The following LRRC37A2 variants were observed in gnomAD, a reference collection of about 807,000 sequenced individuals.
LRRC37A2 encodes leucine rich repeat containing 37 member A2, also known as leucine-rich repeat-containing protein 37A2.
LRRC37A2 carries 9 observed loss-of-function variants against 68.8 expected under a neutral mutation model. The observed-to-expected ratio is 0.13, with a 90% CI of 0.08 to 0.23. LRRC37A2 has a LOEUF of 0.23. Ranked by LOEUF, LRRC37A2 falls within the 10% of genes least tolerant of loss-of-function variation. LRRC37A2 has a pLI of 1.00. For missense variants in LRRC37A2, 168 were observed against 950.4 expected, an observed-to-expected ratio of 0.18 and a Z score of 10.82; for synonymous variants, 63 against 367.6, an observed-to-expected ratio of 0.17 and a Z score of 9.48.
the LRRC37A2 span, chr17:46,939,390 G>C: frequency 3.0e-6 from 3 of 997,752 alleles, no homozygotes; most frequent in Non-Finnish European, 3.6e-6. Context: ...CCACACTACA[G>C]CTGGGTGTTT....
chr17:46,725,781 A>T, the LRRC37A2 span, among the ~76,000 whole-genome samples: 3 of 152,098 alleles, frequency 2.0e-5, no homozygotes, highest in African/African-American at 7.2e-5. Flanking sequence ...GCAGAAACTA[A>T]TTCTTACTCA....
the LRRC37A2 span, among the ~76,000 whole-genome samples, chr17:46,988,421 C>CGGG: frequency 6.6e-5 from 10 of 152,276 alleles, no homozygotes; most frequent in South Asian, 8.3e-4. Context: ...TGTGAATGCA[C>CGGG]AAATTGCCAA....
the LRRC37A2 span, chr17:46,966,873 C>A: frequency 2.5e-6 from 1 of 405,892 alleles, no homozygotes; most frequent in Non-Finnish European, 4.3e-6. Flanking sequence ...CTCTAAATGG[C>A]CATTATGCTA....
At chr17:46,803,103 T>C in the LRRC37A2 span, among the ~76,000 whole-genome samples, 1 of 152,224 alleles carries the variant, frequency 6.6e-6, no homozygotes, top group African/African-American at 2.4e-5. Flanking sequence ...TAGAGGACGC[T>C]GGCTGATGTC....
chr17:46,755,456 A>G, the LRRC37A2 span: 2 of 1,142,378 alleles, frequency 1.8e-6, no homozygotes, highest in Non-Finnish European at 1.3e-6. Context: ...GCTTTCCTAG[A>G]TAAGTTTGTT....
chr17:46,690,624 A>T, the LRRC37A2 span, among the ~76,000 whole-genome samples: 3,020 of 110,872 alleles, frequency 0.027, 133 homozygotes, highest in African/African-American at 0.083. Flanking sequence ...AAAAAAAAAA[A>T]ATATATATAT....
At chr17:47,018,684 G>A in the LRRC37A2 span, 2 of 1,520,364 alleles carry the variant, frequency 1.3e-6, no homozygotes, top group Admixed American at 1.7e-5. Flanking sequence ...CCAGCAGGAG[G>A]CTGCAGCTGA....
the LRRC37A2 span, among the ~76,000 whole-genome samples, chr17:46,862,561 G>A: frequency 6.6e-6 from 1 of 152,144 alleles, no homozygotes; most frequent in Non-Finnish European, 1.5e-5. Flanking sequence ...GAGAGGTTGT[G>A]CAAGCTGAGT....
the LRRC37A2 span, among the ~76,000 whole-genome samples, chr17:46,777,721 C>A: frequency 1.3e-5 from 2 of 152,220 alleles, no homozygotes; most frequent in Non-Finnish European, 2.9e-5. Flanking sequence ...GCATTGTTAT[C>A]CCCATTTTGC....
chr17:46,848,265 A>T, the LRRC37A2 span, among the ~76,000 whole-genome samples: 3 of 152,206 alleles, frequency 2.0e-5, no homozygotes, highest in Admixed American at 2.0e-4. Context: ...GAGCCCAGGA[A>T]GGAGTGCTTC....
chr17:46,784,796 G>A, the LRRC37A2 span, among the ~76,000 whole-genome samples: 19,779 of 127,858 alleles, frequency 0.15, 1,845 homozygotes, highest in Middle Eastern at 0.25. Context: ...TTTTTTTTGA[G>A]ATGGAGTCTC....
the LRRC37A2 span, among the ~76,000 whole-genome samples, chr17:47,040,517 T>C: frequency 2.7e-5 from 4 of 147,312 alleles, no homozygotes; most frequent in African/African-American, 9.8e-5. Flanking sequence ...ATTTATTTAG[T>C]GACTTTTCTG....
chr17:47,030,088 A>ATC, the LRRC37A2 span, among the ~76,000 whole-genome samples: 5 of 107,120 alleles, frequency 4.7e-5, no homozygotes, highest in African/African-American at 1.6e-4. Flanking sequence ...TAATAATAAT[A>ATC]ATCATCATCA....
At chr17:46,832,162 G>T in the LRRC37A2 span, among the ~76,000 whole-genome samples, 162 of 152,346 alleles carry the variant, frequency 1.1e-3, 1 homozygote, top group Non-Finnish European at 1.3e-3. Context: ...GGTGCCTGCA[G>T]AGGGGGTGCT....
the LRRC37A2 span, among the ~76,000 whole-genome samples, chr17:46,727,120 G>A: frequency 3.9e-5 from 6 of 152,128 alleles, no homozygotes; most frequent in Non-Finnish European, 5.9e-5. Flanking sequence ...CAGAGTAATT[G>A]TGAAGACAAA....
chr17:46,852,406 G>A, the LRRC37A2 span, among the ~76,000 whole-genome samples: 3 of 148,922 alleles, frequency 2.0e-5, no homozygotes, highest in Admixed American at 6.7e-5. Flanking sequence ...GTGTGTGTGT[G>A]TGTGTGTGTG....
intron 6 of LRRC37A2, among the ~76,000 whole-genome samples, chr17:46,534,576 G>A (rs1252697077): frequency 2.0e-5 from 3 of 147,530 alleles, no homozygotes; most frequent in Non-Finnish European, 4.4e-5. Context: ...GAACAAAATG[G>A]AGTCTTCTAT....
the LRRC37A2 span, among the ~76,000 whole-genome samples, chr17:46,758,568 A>T: frequency 6.6e-6 from 1 of 152,228 alleles, no homozygotes. Context: ...ACCTCAAAAG[A>T]GGAGGTTATT....
At chr17:46,876,576 G>A in the LRRC37A2 span, 1 of 1,613,514 alleles carries the variant, frequency 6.2e-7, no homozygotes, top group Non-Finnish European at 8.5e-7. Flanking sequence ...GAGGCCAGCT[G>A]CAGCAGCCTG....
Sources: allele counts gnomAD v4.1 joint callset (sites outside exome capture counted in the v4.1 genomes callset), GRCh38; gene constraint gnomAD v4.1.1; transcripts MANE v1.5; gene names NCBI Gene and HGNC (gene_info 2026-07-23, HGNC 2026-07-21).